The following NOL10 variants were observed in gnomAD, a reference collection of about 807,000 sequenced individuals.
NOL10 encodes the protein H_NH0074G24.1.
In NOL10, 58 loss-of-function variants were observed where a neutral mutation model predicts 103.5. The ratio of observed to expected loss-of-function variants is 0.56; its 90% CI spans 0.45 to 0.70. NOL10 has a LOEUF of 0.70. Among genes scored for constraint, NOL10 ranks in the 30% least tolerant of loss-of-function variants. The pLI, the probability that NOL10 is intolerant of heterozygous loss-of-function variation, is 0.00. For missense variants in NOL10, 763 were observed against 807.3 expected (o/e 0.95, Z 0.67); for synonymous variants, 287 against 282.5 (o/e 1.02, Z -0.16).
chr2:10,582,213 T>C (rs1558266825), intron 19 of NOL10, among the ~76,000 whole-genome samples: 1 of 152,194 alleles, frequency 6.6e-6, no homozygotes, highest in Non-Finnish European at 1.5e-5. Context: ...ACATGCCATA[T>C]TAATTCACAA....
intron 13 of NOL10, among the ~76,000 whole-genome samples, chr2:10,618,011 C>T (rs148715642): frequency 9.9e-4 from 147 of 148,616 alleles, no homozygotes; most frequent in African/African-American, 3.6e-3. Flanking sequence ...AACCACTGCA[C>T]AACTCTGGAC....
chr2:10,633,170 G>A (rs1047507469), intron 13 of NOL10, among the ~76,000 whole-genome samples: 1 of 151,956 alleles, frequency 6.6e-6, no homozygotes, highest in East Asian at 1.9e-4. Context: ...CTTGGCTCGC[G>A]GGGTGAATCC....
intron 20 of NOL10, 81 bp from the exon 21 acceptor site, chr2:10,572,271 G>A (rs1341474792): frequency 3.5e-6 from 5 of 1,442,844 alleles, no homozygotes; most frequent in Non-Finnish European, 3.9e-6. Context: ...GCTGCCAACA[G>A]TACCACCACC....
intron 17 of NOL10, among the ~76,000 whole-genome samples, chr2:10,598,021 A>G (rs1675787371): frequency 6.6e-6 from 1 of 152,356 alleles, no homozygotes; most frequent in African/African-American, 2.4e-5. Flanking sequence ...GATAACAGAA[A>G]GGCAAGTTCT....
In NOL10 at chr2:10,589,129, T is replaced by C. The variant is rs140097585; in HGVS notation, c.1758A>G (p.Thr586=). ...TCTCATAAAACTGGGGCTTTAGGAC[T>C]GTCTGCTGGTCCTCCTTGAGTCGTT... ...RQERLKEDQQ[T]VLKPQFYEIK... Residue 586 remains threonine (T), a synonymous_variant, in exon 19 of 21, where the codon ACA becomes ACG. Transcript: ENST00000381685. 2,849 of 1,614,040 alleles carry C rather than the reference T, an allele frequency of 1.8e-3. 3 individuals are homozygous for C. The highest frequency in any genetic ancestry group is 2.2e-3 in the Non-Finnish European group (2,545 of 1,179,902).
intron 9 of NOL10, 150 bp downstream of exon 9, chr2:10,662,809 T>G: frequency 3.2e-6 from 2 of 627,534 alleles, no homozygotes; most frequent in East Asian, 2.9e-5. Flanking sequence ...TACTCACTAG[T>G]GAGCTTTTAC....
chr2:10,682,059 C>T lies in NOL10; in HGVS notation c.123G>A (p.Arg41=), dbSNP rs75743407. The change falls in exon 3 of 21, where the codon AGG becomes AGA. Residue 41 remains arginine, a synonymous_variant. Coordinates refer to ENST00000381685, the MANE Select transcript of NOL10 (RefSeq NM_024894.4). ...ALQKKDVDVR[R]RIELIQDFEM... Reference sequence around the variant, plus strand: ...CAAAGTCCTGAATAAGTTCAATTCTCCTACGGACATCTAAAAAGAGAGAAA... The same window carrying T: ...CAAAGTCCTGAATAAGTTCAATTCTTCTACGGACATCTAAAAAGAGAGAAA... 1 of 1,478,162 alleles carries T rather than the reference C, an allele frequency of 6.8e-7. No individual in the cohort carries two copies. Among genetic ancestry groups the T allele is most frequent in the Non-Finnish European group, 9.1e-7 (1 of 1,103,928 alleles). 91.6% of individuals were successfully genotyped at this position (1,478,162 alleles called of 1,614,324 possible). A position where few individuals can be genotyped will look rare whatever the true frequency, so the allele number is the denominator to read the frequency against.
chr2:10,689,711 G>T, intron 1 of NOL10, 85 bp downstream of exon 1: 1 of 1,360,462 alleles, frequency 7.4e-7, no homozygotes, highest in Non-Finnish European at 1.0e-6. Context: ...TAAAACAGAG[G>T]CTAGGGCCGA....
At chr2:10,606,607 CAAAAAAAAAAA>C in intron 14 of NOL10, among the ~76,000 whole-genome samples, 1 of 111,804 alleles carries the variant, frequency 8.9e-6, no homozygotes, top group East Asian at 2.5e-4. Context: ...GACTCTGTCT[CAAAAAAAAAAA>C]AAAAAAAAAA....
chr2:10,572,115 C>A lies in NOL10; in HGVS notation c.2023G>T (p.Gly675Ter). 6.2e-7 allele frequency: 1 copy of A among 1,613,958 alleles called. No homozygotes were observed. Among genetic ancestry groups the A allele is most frequent in the Non-Finnish European group, 8.5e-7 (1 of 1,179,886 alleles). Residue 675 changes from glycine (G) to a stop codon, truncating the protein, a stop_gained, in exon 21 of 21, where the codon GGA becomes TGA. Coordinates refer to ENST00000381685, the MANE Select transcript of NOL10 (RefSeq NM_024894.4). LOFTEE classifies it high-confidence loss of function. The part of the protein sequence containing the change: ...QERKRLRRSA[G>*]HLKSRHKRGR... ...CTTTTGTGTCTTGACTTCAGGTGTCCGGCCGAACGACGGAGTCTTTTCCTT... is the reference window on the plus strand; with the variant it reads ...CTTTTGTGTCTTGACTTCAGGTGTCAGGCCGAACGACGGAGTCTTTTCCTT...
At chr2:10,659,354 G>GC (rs1491143105) in intron 9 of NOL10, 104 bp from the exon 10 acceptor site, 2 of 356,332 alleles carry the variant, frequency 5.6e-6, no homozygotes, top group Non-Finnish European at 1.1e-5. Flanking sequence ...GGGGGGGGGG[G>GC]AGGAATCACA....
intron 3 of NOL10, 127 bp downstream of exon 3, chr2:10,681,844 T>C (rs572002545): frequency 7.4e-6 from 3 of 406,348 alleles, no homozygotes; most frequent in Admixed American, 4.4e-5. Context: ...TATACAATTT[T>C]TTCAATATTT....
chr2:10,680,050 G>A (rs1029439129), intron 3 of NOL10, among the ~76,000 whole-genome samples: 1 of 151,974 alleles, frequency 6.6e-6, no homozygotes, highest in Non-Finnish European at 1.5e-5. Flanking sequence ...CGAGTTGGGC[G>A]GATCACTTGA....
chr2:10,597,546 C>T (rs1036531023), intron 17 of NOL10, among the ~76,000 whole-genome samples: 1 of 152,104 alleles, frequency 6.6e-6, no homozygotes, highest in Non-Finnish European at 1.5e-5. Context: ...GTGATTTCTA[C>T]GATCTTCACT....
chr2:10,631,562 T>A (rs1677844392), intron 13 of NOL10, among the ~76,000 whole-genome samples: 1 of 152,228 alleles, frequency 6.6e-6, no homozygotes, highest in African/African-American at 2.4e-5. Context: ...AAGGTATTAC[T>A]TTTAAAAATT....
At position 10,689,933 on chromosome 2, in the gene NOL10, C is replaced by A; in HGVS notation, c.-72G>T. 9.2e-6 allele frequency: 13 copies of A among 1,416,794 alleles called. No individual in the cohort carries two copies. Among genetic ancestry groups the A allele is most frequent in the Non-Finnish European group, 1.2e-5 (12 of 1,025,170 alleles). 87.8% of individuals were successfully genotyped at this position (1,416,794 alleles called of 1,614,324 possible). A position where few individuals can be genotyped will look rare whatever the true frequency, so the allele number is the denominator to read the frequency against. On this transcript the variant is annotated 5_prime_UTR_variant, in exon 1 of 21. It adds an upstream start codon to the 5' untranslated region. Coordinates refer to ENST00000381685, the MANE Select transcript of NOL10 (RefSeq NM_024894.4). Reference sequence around the variant, plus strand: ...TGCTCGAGCACCGTAATCCCGGGACCTCCGAGCCCCTGCTCCGCGGCGTGC... The same window carrying A: ...TGCTCGAGCACCGTAATCCCGGGACATCCGAGCCCCTGCTCCGCGGCGTGC...
chr2:10,663,695 A>T (rs1322776429), intron 8 of NOL10, among the ~76,000 whole-genome samples: 1 of 152,150 alleles, frequency 6.6e-6, no homozygotes, highest in East Asian at 1.9e-4. Flanking sequence ...CACGCCTGTA[A>T]TCCCAGCACT....
intron 12 of NOL10, among the ~76,000 whole-genome samples, chr2:10,650,380 G>A (rs1018897170): frequency 1.3e-5 from 2 of 151,656 alleles, no homozygotes; most frequent in African/African-American, 4.9e-5. Context: ...GACAAGGCTG[G>A]TCTTGAACTC....
At chr2:10,635,426 AT>A (rs1190224583) in intron 13 of NOL10, among the ~76,000 whole-genome samples, 1 of 152,252 alleles carries the variant, frequency 6.6e-6, no homozygotes, top group East Asian at 1.9e-4. Context: ...TGCTATGATC[AT>A]AAGGCAAAGA....
Sources: allele counts gnomAD v4.1 joint callset (sites outside exome capture counted in the v4.1 genomes callset), GRCh38; gene constraint gnomAD v4.1.1; transcripts MANE v1.5; gene names NCBI Gene and HGNC (gene_info 2026-07-23, HGNC 2026-07-21).